DNAH5: variants seen among roughly 807,000 people sequenced by gnomAD.
DNAH5 encodes the protein dynein axonemal heavy chain 5, also known as axonemal beta dynein heavy chain 5.
In DNAH5, 372 loss-of-function variants were observed where a neutral mutation model predicts 518.2. That is an observed-to-expected ratio of 0.72 (90% confidence interval 0.66 to 0.78). The LOEUF (loss-of-function observed/expected upper bound fraction) is 0.78, where lower values mean the gene tolerates loss of function less well. Ranked by LOEUF, DNAH5 falls within the 30% of genes least tolerant of loss-of-function variation. The pLI is 0.00. For missense variants in DNAH5, 5,523 were observed against 5,687.0 expected (o/e 0.97, Z 0.93); for synonymous variants, 2,039 against 2,025.9 (o/e 1.01, Z -0.17).
chr5:13,928,165 T>C lies in DNAH5; in HGVS notation c.206A>G (p.Asp69Gly). The change falls in exon 3 of 79, where the codon GAT becomes GGT. Residue 69 changes from aspartate (D) to glycine (G), a missense_variant. Coordinates refer to ENST00000265104, the MANE Select transcript of DNAH5 (RefSeq NM_001369.3). Reference sequence around the variant, plus strand: ...GAGACCTCCAACAGCAAAAAGTTGATCAATTCTTTCAATCTGGGAAAAAGA... The same window carrying C: ...GAGACCTCCAACAGCAAAAAGTTGACCAATTCTTTCAATCTGGGAAAAAGA... The part of the protein sequence containing the change: ...ILEGNQIERI[D>G]QLFAVGGLRH... The C allele has an allele frequency of 6.2e-7, 1 of 1,613,224 alleles. No individual in the cohort carries two copies. The highest frequency in any genetic ancestry group is 8.5e-7 in the Non-Finnish European group (1 of 1,179,248).
At position 13,842,443 on chromosome 5, in the gene DNAH5, GAA is replaced by G. The variant is rs1446322652; in HGVS notation, c.5272-541_5272-540del. ...AAAAGAAAAGAAAGAAAGAAAGAAA[GAA>G]AGAAAGAAAGAAAGAAAGAAAGAAA... On this transcript the variant is annotated intron_variant, in intron 32 of 78. Transcript: ENST00000265104. Among the ~76,000 whole-genome samples, 55 of 93,040 alleles carry G rather than the reference GAA, an allele frequency of 5.9e-4. 1 individual carries two copies. The highest frequency in any genetic ancestry group is 2.5e-3 in the African/African-American group (52 of 21,212). The allele number at this position is 93,040 out of a possible 152,430, so 61.0% of individuals were successfully genotyped here.
chr5:13,847,122 A>G (rs1474729830), intron 31 of DNAH5, among the ~76,000 whole-genome samples: 1 of 152,196 alleles, frequency 6.6e-6, no homozygotes, highest in Non-Finnish European at 1.5e-5. Context: ...TCACGGACAC[A>G]GTCTGATTAC....
In DNAH5 at chr5:13,691,409, A is replaced by G. The variant is rs753049661; in HGVS notation, c.*575T>C. On this transcript the variant is annotated 3_prime_UTR_variant, in exon 79 of 79. Coordinates refer to ENST00000265104, the MANE Select transcript of DNAH5 (RefSeq NM_001369.3). ...TCATTATTAATTATAAGTAGGCTTAAGCATTGTTCTACGTTTATTCTCTAT... is the reference window on the plus strand; with the variant it reads ...TCATTATTAATTATAAGTAGGCTTAGGCATTGTTCTACGTTTATTCTCTAT... The G allele has an allele frequency of 9.2e-5, 14 of 152,482 alleles. No homozygotes were observed. The highest frequency in any genetic ancestry group is 3.4e-4 in the African/African-American group (14 of 41,592). The allele number at this position is 152,482 out of a possible 1,614,324, so 9.4% of individuals were successfully genotyped here. A position where few individuals can be genotyped will look rare whatever the true frequency, so the allele number is the denominator to read the frequency against.
Position 13,691,962 on chromosome 5 carries a change from G to C in DNAH5, c.*22C>G. The stretch of plus-strand genomic sequence containing the variant: ...TAGATCTTGCATTTTCCAAAGCATT[G>C]GGTGGGGACACTCCCCACATGTTAC... On this transcript the variant is annotated 3_prime_UTR_variant, in exon 79 of 79. Transcript: ENST00000265104. 6.2e-7 allele frequency: 1 copy of C among 1,613,494 alleles called. No homozygotes were observed. The highest frequency in any genetic ancestry group is 8.5e-7 in the Non-Finnish European group (1 of 1,179,584).
At chr5:13,960,679 T>A (rs907764363) in intron 1 of DNAH5, among the ~76,000 whole-genome samples, 2 of 152,220 alleles carry the variant, frequency 1.3e-5, no homozygotes, top group African/African-American at 2.4e-5. Flanking sequence ...TACGTCAGCA[T>A]AGGGGAACCC....
chr5:13,957,158 T>C (rs1389636477), intron 1 of DNAH5, among the ~76,000 whole-genome samples: 1 of 152,232 alleles, frequency 6.6e-6, no homozygotes, highest in African/African-American at 2.4e-5. Flanking sequence ...TACTGCATGT[T>C]GAATTCTTTT....
intron 1 of DNAH5, among the ~76,000 whole-genome samples, chr5:13,937,352 T>C (rs753774209): frequency 1.3e-5 from 2 of 151,020 alleles, no homozygotes; most frequent in Non-Finnish European, 2.9e-5. Context: ...CTGAGTTATA[T>C]CAGTGGTATT....
intron 35 of DNAH5, among the ~76,000 whole-genome samples, chr5:13,837,403 C>T (rs1764535003): frequency 6.6e-6 from 1 of 152,048 alleles, no homozygotes; most frequent in African/African-American, 2.4e-5. Flanking sequence ...GAAAAGGATT[C>T]AGTAGAAAGT....
intron 1 of DNAH5, among the ~76,000 whole-genome samples, chr5:13,951,577 A>T: frequency 6.6e-6 from 1 of 152,012 alleles, no homozygotes; most frequent in Admixed American, 6.6e-5. Flanking sequence ...TGAAAAGGAA[A>T]ATATATTTCA....
At chr5:13,817,800 T>C (rs1761652067) in intron 41 of DNAH5, 106 bp from the exon 42 acceptor site, 1 of 1,004,416 alleles carries the variant, frequency 1.0e-6, no homozygotes, top group South Asian at 1.5e-5. Flanking sequence ...GCTCAAAATA[T>C]GAAAACTGCA....
chr5:13,802,646 G>A (rs1036204796), intron 47 of DNAH5, among the ~76,000 whole-genome samples: 1 of 152,280 alleles, frequency 6.6e-6, no homozygotes, highest in Middle Eastern at 3.4e-3. Context: ...CATTGGAAGG[G>A]GTATTGGAAG....
chr5:13,737,387 A>G lies in DNAH5; in HGVS notation c.11320T>C (p.Ser3774Pro), dbSNP rs766646786. The part of the protein sequence containing the change: ...LLYRLTSTQG[S>P]LVEDESLIVV... Reference sequence around the variant, plus strand: ...ATGAGACTTTCATCTTCTACCAGGGACCCCTGGGTACTTGTCAGGCGGTAA... The same window carrying G: ...ATGAGACTTTCATCTTCTACCAGGGGCCCCTGGGTACTTGTCAGGCGGTAA... Residue 3774 changes from serine to proline, a missense_variant, in exon 66 of 79, where the codon TCC (serine) becomes CCC (proline). Transcript: ENST00000265104. 290 of 1,613,890 alleles carry G rather than the reference A, an allele frequency of 1.8e-4. No individual in the cohort carries two copies. Among genetic ancestry groups the G allele is most frequent in the Middle Eastern group, 4.9e-4 (3 of 6,084 alleles).
At chr5:13,909,903 A>G (rs1214592537) in intron 12 of DNAH5, among the ~76,000 whole-genome samples, 2 of 152,222 alleles carry the variant, frequency 1.3e-5, no homozygotes. Context: ...ATTGCAATAA[A>G]TCTACATCTT....
At chr5:13,757,139 C>T (rs1277579064) in intron 61 of DNAH5, among the ~76,000 whole-genome samples, 2 of 152,200 alleles carry the variant, frequency 1.3e-5, no homozygotes, top group African/African-American at 2.4e-5. Context: ...CATGTCTTTG[C>T]TATTGTGAAC....
intron 21 of DNAH5, among the ~76,000 whole-genome samples, chr5:13,879,692 T>C (rs2151933817): frequency 6.6e-6 from 1 of 151,050 alleles, no homozygotes; most frequent in East Asian, 2.0e-4. Context: ...CACAGAAGAC[T>C]AGATCAAGCA....
rs942041019 is a variant in DNAH5 at position 13,871,590 on chromosome 5, C to T, written c.3572G>A (p.Cys1191Tyr). Reference sequence around the variant, plus strand: ...TGTGTACAGAGCAATGGAACCCACACAGACATATTCAGGCTCAGCATTAAT... The same window carrying T: ...TGTGTACAGAGCAATGGAACCCACATAGACATATTCAGGCTCAGCATTAAT... ...QEINAEPEYV[C>Y]VGSIALYTAD... The change falls in exon 23 of 79, where the codon TGT becomes TAT. Residue 1191 changes from cysteine (C) to tyrosine (Y), a missense_variant. By Grantham distance (194) the Cys-to-Tyr change is radical. Coordinates refer to ENST00000265104, the MANE Select transcript of DNAH5 (RefSeq NM_001369.3). 2 of 1,613,548 alleles carry T rather than the reference C, an allele frequency of 1.2e-6. No individual in the cohort carries two copies. The highest frequency in any genetic ancestry group is 1.3e-5 in the African/African-American group (1 of 74,892).
chr5:13,822,834 A>G (rs1762403906), intron 40 of DNAH5, among the ~76,000 whole-genome samples: 1 of 148,860 alleles, frequency 6.7e-6, no homozygotes. Flanking sequence ...GCAAGAAGCC[A>G]CAAGTACTGA....
At chr5:13,931,271 A>C in intron 1 of DNAH5, 27 bp from the exon 2 acceptor site, 1 of 1,613,808 alleles carries the variant, frequency 6.2e-7, no homozygotes. Context: ...AAAATGTTAC[A>C]TGGAAACTGC....
At chr5:13,951,607 T>C (rs1052251571) in intron 1 of DNAH5, among the ~76,000 whole-genome samples, 4 of 152,134 alleles carry the variant, frequency 2.6e-5, no homozygotes, top group African/African-American at 4.8e-5. Flanking sequence ...TCATTACTCA[T>C]GCCAAGATCT....
Sources: gnomAD v4.1 joint callset for allele counts (sites outside exome capture counted in the v4.1 genomes callset) on GRCh38, gnomAD v4.1.1 for gene constraint, MANE v1.5 for transcripts, NCBI Gene and HGNC (gene_info 2026-07-23, HGNC 2026-07-21) for gene names.